Variants in KCNAB2 observed in about 807,000 individuals in gnomAD.
KCNAB2 encodes potassium voltage-gated channel subfamily A regulatory beta subunit 2, also known as voltage-gated potassium channel subunit beta-2.
KCNAB2 carries 29 observed loss-of-function variants against 63.6 expected under a neutral mutation model. That is an observed-to-expected ratio of 0.46 (90% CI 0.34 to 0.62). The LOEUF (loss-of-function observed/expected upper bound fraction) is 0.62, where lower values mean the gene tolerates loss of function less well. Among genes scored for constraint, KCNAB2 ranks in the 20% least tolerant of loss-of-function variants. KCNAB2 has a pLI of 0.01. For missense variants in KCNAB2, 359 were observed against 563.9 expected (o/e 0.64, Z 3.68); for synonymous variants, 222 against 224.2 (o/e 0.99, Z 0.09).
intron 4 of KCNAB2, among the ~76,000 whole-genome samples, chr1:6,081,697 C>T (rs930043097): frequency 2.0e-5 from 3 of 152,126 alleles, no homozygotes; most frequent in African/African-American, 7.2e-5. Flanking sequence ...TCTCTGCCTT[C>T]GTAGTCTCAT....
At chr1:6,031,343 A>C (rs1481984383), upstream of KCNAB2, among the ~76,000 whole-genome samples, 2 of 152,164 alleles carry the variant, frequency 1.3e-5, no homozygotes, top group African/African-American at 4.8e-5. This position sits in a 1 kb window ranked among gnomAD's most constrained non-coding sequence, Gnocchi z 4.1. Flanking sequence ...AGTGCCCCCA[A>C]AGCTCCTACT....
chr1:6,067,948 T>G (rs987516947), intron 2 of KCNAB2, among the ~76,000 whole-genome samples: 8 of 152,160 alleles, frequency 5.3e-5, no homozygotes, highest in African/African-American at 1.9e-4. Context: ...GGAGAATTAC[T>G]TGAACTCAGG....
At chr1:6,095,869 C>CG (rs111472171) in intron 13 of KCNAB2, among the ~76,000 whole-genome samples, 1 of 54,788 alleles carries the variant, frequency 1.8e-5, no homozygotes, top group East Asian at 2.9e-4. Flanking sequence ...TCACATCCCC[C>CG]CCCCTGCCCC....
At chr1:6,098,358 GC>G in intron 15 of KCNAB2, 126 bp from the exon 16 acceptor site, 6 of 1,490,800 alleles carry the variant, frequency 4.0e-6, no homozygotes, top group Non-Finnish European at 5.4e-6. Context: ...CTCAGATGGA[GC>G]CCAGATGTGA....
rs1362221477 is a variant in KCNAB2 at position 6,005,072 on chromosome 1, C to T, written c.-53+12284C>T. ...TGAGGGGTGAGGGTAGAGTGGGGGA[C>T]ATGGAAGCTGAGCTGAGGGGTGAGG... is the stretch of plus-strand genomic sequence containing the variant. On this transcript the variant is annotated intron_variant, in intron 1 of 16. Transcript: ENST00000341524. 9.7e-3 allele frequency among the ~76,000 whole-genome samples: 38 copies of T among 3,904 alleles called. 1 individual carries two copies. The highest frequency in any genetic ancestry group is 0.024 in the African/African-American group (34 of 1,414). 2.6% of individuals were successfully genotyped at this position (3,904 alleles called of 152,430 possible).
chr1:6,097,818 G>A, intron 15 of KCNAB2: 1 of 307,204 alleles, frequency 3.3e-6, no homozygotes. Flanking sequence ...ATCCTGAGAG[G>A]CACGAAACAC....
intron 1 of KCNAB2, among the ~76,000 whole-genome samples, chr1:6,008,053 A>G (rs1217710382): frequency 6.6e-6 from 1 of 152,182 alleles, no homozygotes; most frequent in Non-Finnish European, 1.5e-5. Context: ...AGTGAGGGCC[A>G]GGAGCACTAC....
chr1:6,065,385 C>A (rs1662660256), intron 2 of KCNAB2, among the ~76,000 whole-genome samples: 1 of 152,234 alleles, frequency 6.6e-6, no homozygotes, highest in Non-Finnish European at 1.5e-5. Flanking sequence ...ACGCTGCCCG[C>A]GCCTCTCCCT....
intron 1 of KCNAB2, among the ~76,000 whole-genome samples, chr1:6,017,428 G>A (rs1002583808): frequency 6.6e-5 from 10 of 151,886 alleles, no homozygotes; most frequent in Admixed American, 3.3e-4. Flanking sequence ...GTGTGTGTGT[G>A]TGTGTGTGTG....
intron 2 of KCNAB2, among the ~76,000 whole-genome samples, chr1:6,070,150 C>A (rs1021292623): frequency 7.2e-5 from 11 of 152,176 alleles, no homozygotes; most frequent in African/African-American, 2.7e-4. Context: ...ATATCTAGAC[C>A]AGTGGGGTCC....
rs141334170 is a variant in KCNAB2, at chr1:6,008,811, G to A, written c.-53+16023G>A. Reference sequence around the variant, plus strand: ...GGGGTCTCATGCTGTGACCTCCTGCGCCACATGGGGAGAGGTCACCTGGGG... The same window carrying A: ...GGGGTCTCATGCTGTGACCTCCTGCACCACATGGGGAGAGGTCACCTGGGG... On this transcript the variant is annotated intron_variant, in intron 1 of 16. Transcript: ENST00000341524. 5.6e-3 allele frequency among the ~76,000 whole-genome samples: 852 copies of A among 152,214 alleles called. 8 individuals are homozygous for A. Among genetic ancestry groups the A allele is most frequent in the African/African-American group, 0.018 (764 of 41,540 alleles).
chr1:6,090,341 G>A lies in KCNAB2; in HGVS notation c.515-48G>A, dbSNP rs531017689. ...GGCATGGATGGGCCCAGGTGCCTGT[G>A]GAGATGGAGCCACAGCAGTGACGCC... On this transcript the variant is annotated intron_variant, in intron 8 of 15. Coordinates refer to ENST00000378083, the MANE Select transcript of KCNAB2 (RefSeq NM_001199862.2). The A allele has an allele frequency of 3.6e-6, 5 of 1,377,910 alleles. No homozygotes were observed. In the African/African-American group the frequency reaches 5.7e-5, roughly 16 times the overall value. 85.4% of individuals were successfully genotyped at this position (1,377,910 alleles called of 1,614,324 possible). A position where few individuals can be genotyped will look rare whatever the true frequency, so the allele number is the denominator to read the frequency against.
At chr1:6,042,513 C>T (rs1457360033), upstream of KCNAB2, among the ~76,000 whole-genome samples, 2 of 152,210 alleles carry the variant, frequency 1.3e-5, no homozygotes, top group African/African-American at 4.8e-5. Flanking sequence ...GTTCCTCTCT[C>T]TGGGCTGCCT....
chr1:6,004,095 G>C (rs1657415844), intron 1 of KCNAB2, among the ~76,000 whole-genome samples: 1 of 152,216 alleles, frequency 6.6e-6, no homozygotes, highest in Non-Finnish European at 1.5e-5. Context: ...GAGGGCTGCA[G>C]ACATTTCAGC....
At chr1:6,008,334 C>T (rs1382122756) in intron 1 of KCNAB2, among the ~76,000 whole-genome samples, 4 of 152,156 alleles carry the variant, frequency 2.6e-5, no homozygotes, top group Non-Finnish European at 5.9e-5. Flanking sequence ...TTAAGAATCA[C>T]TCAGAGCCAG....
intron 1 of KCNAB2, among the ~76,000 whole-genome samples, chr1:6,017,063 G>A (rs186319275): frequency 5.9e-5 from 9 of 152,236 alleles, no homozygotes; most frequent in South Asian, 4.2e-4. Context: ...GCCGAGCTCC[G>A]TACAGGCCGT....
intron 13 of KCNAB2, 60 bp downstream of exon 13, chr1:6,095,684 A>ACC (rs959851229): frequency 1.3e-6 from 2 of 1,507,494 alleles, no homozygotes; most frequent in Non-Finnish European, 1.8e-6. Flanking sequence ...GACGGGTGGG[A>ACC]CCTTTGGGCC....
At chr1:6,039,968 G>A (rs951716537) in intron 1 of KCNAB2, among the ~76,000 whole-genome samples, 14 of 152,140 alleles carry the variant, frequency 9.2e-5, no homozygotes, top group African/African-American at 3.1e-4. Flanking sequence ...TCCAGGACAG[G>A]GGCTGCCCAA....
chr1:6,061,726 A>T (rs1294301063), intron 2 of KCNAB2, among the ~76,000 whole-genome samples: 2 of 152,262 alleles, frequency 1.3e-5, no homozygotes, highest in East Asian at 3.8e-4. Flanking sequence ...ATAACGGAAT[A>T]TAATGTGCAT....
Sources: allele counts gnomAD v4.1 joint callset (sites outside exome capture counted in the v4.1 genomes callset), GRCh38; gene constraint gnomAD v4.1.1; non-coding constraint Gnocchi (gnomAD v3.1); transcripts MANE v1.5; gene names NCBI Gene and HGNC (gene_info 2026-07-23, HGNC 2026-07-21).